SLC23A2: variants seen among roughly 807,000 people sequenced by gnomAD.
SLC23A2 encodes the protein solute carrier family 23 member 2.
Under a neutral mutation model 73.3 loss-of-function variants are expected in SLC23A2, and 36 were observed. The observed-to-expected ratio is 0.49, with a 90% CI of 0.38 to 0.65. SLC23A2 has a LOEUF of 0.65. SLC23A2 is among the 30% of genes least tolerant of loss of function. SLC23A2 has a pLI of 0.00. For synonymous variants in SLC23A2, 343 were observed against 327.3 expected, an observed-to-expected ratio of 1.05 and a Z score of -0.52; for missense variants, 507 against 841.6, an observed-to-expected ratio of 0.60 and a Z score of 4.92.
chr20:4,983,359 C>T (rs2087756716), intron 1 of SLC23A2, among the ~76,000 whole-genome samples: 2 of 152,000 alleles, frequency 1.3e-5, no homozygotes, highest in Non-Finnish European at 1.5e-5. Flanking sequence ...GCAAAAGACA[C>T]AAGCAGGCTG....
chr20:4,941,723 G>C (rs1250389695), intron 2 of SLC23A2, among the ~76,000 whole-genome samples: 1 of 151,120 alleles, frequency 6.6e-6, no homozygotes, highest in Non-Finnish European at 1.5e-5. Flanking sequence ...AAAAAAAGTT[G>C]TTAATAAGGT....
intron 2 of SLC23A2, among the ~76,000 whole-genome samples, chr20:4,939,265 A>G (rs2087005614): frequency 6.6e-6 from 1 of 152,212 alleles, no homozygotes; most frequent in Non-Finnish European, 1.5e-5. Context: ...GTGGACTGAT[A>G]AATGATTTTT....
chr20:4,963,576 G>A lies in SLC23A2; in HGVS notation c.-155+7217C>T, dbSNP rs551127605. On this transcript the variant is annotated intron_variant, in intron 2 of 16. Transcript: ENST00000338244. ...AAATGTAAAAAATCTGACCAGGCAC[G>A]GTGGCTCACGCCTATAATTCCAGCA... is the stretch of plus-strand genomic sequence containing the variant. Among the ~76,000 whole-genome samples, 92 of 152,178 alleles carry A rather than the reference G, an allele frequency of 6.0e-4. 2 individuals are homozygous for A. In the South Asian group the frequency reaches 0.017, roughly 29 times the overall value.
intron 2 of SLC23A2, among the ~76,000 whole-genome samples, chr20:4,954,715 AAGAAAG>A (rs1312727220): frequency 6.8e-6 from 1 of 147,464 alleles, no homozygotes; most frequent in African/African-American, 2.6e-5. Context: ...AAAAAAAAAA[AAGAAAG>A]AAAGAAAGAA....
At chr20:4,984,635 A>G (rs2087793254) in intron 1 of SLC23A2, among the ~76,000 whole-genome samples, 1 of 152,208 alleles carries the variant, frequency 6.6e-6, no homozygotes, top group Non-Finnish European at 1.5e-5. Flanking sequence ...CAAAGACAGC[A>G]TACAAATGGC....
intron 4 of SLC23A2, among the ~76,000 whole-genome samples, 200 bp downstream of exon 4, chr20:4,912,680 A>C (rs568957664): frequency 6.6e-6 from 1 of 151,912 alleles, no homozygotes; most frequent in East Asian, 1.9e-4. Context: ...AAAAAAAAAA[A>C]AAAAAAAACT....
intron 9 of SLC23A2, among the ~76,000 whole-genome samples, chr20:4,875,018 C>T (rs1244307564): frequency 3.3e-5 from 5 of 152,166 alleles, no homozygotes; most frequent in Non-Finnish European, 7.3e-5. Context: ...ATGGGAAACG[C>T]TTACTCTATG....
Position 4,862,766 on chromosome 20 carries a change from G to C in SLC23A2, c.1486+12C>G. 1 of 1,605,062 alleles carries C rather than the reference G, an allele frequency of 6.2e-7. No individual in the cohort carries two copies. The highest frequency in any genetic ancestry group is 8.5e-7 in the Non-Finnish European group (1 of 1,173,078). On this transcript the variant is annotated intron_variant, in intron 14 of 16. Coordinates refer to ENST00000338244, the MANE Select transcript of SLC23A2 (RefSeq NM_005116.6). This position sits in a 1 kb window ranked among gnomAD's most constrained non-coding sequence, Gnocchi z 5.1. ...GAAAAGTAAAGGAAAAAGCCAGAGA[G>C]GGGAGTCTTACCAAAGAGCGTGCAG...
intron 9 of SLC23A2, among the ~76,000 whole-genome samples, chr20:4,881,550 C>T (rs1343901057): frequency 6.6e-6 from 1 of 152,322 alleles, no homozygotes; most frequent in East Asian, 1.9e-4. Context: ...CAGGCTTCCT[C>T]TTATCCTGCT....
At chr20:4,923,219 C>T (rs1315413517) in intron 3 of SLC23A2, among the ~76,000 whole-genome samples, 1 of 110,992 alleles carries the variant, frequency 9.0e-6, no homozygotes, top group Non-Finnish European at 1.7e-5. Flanking sequence ...CCAGCCTGGG[C>T]AATGTAGCGA....
chr20:4,891,358 G>T (rs1343564774), intron 6 of SLC23A2, among the ~76,000 whole-genome samples: 1 of 152,226 alleles, frequency 6.6e-6, no homozygotes, highest in African/African-American at 2.4e-5. Flanking sequence ...AACAGAGGAA[G>T]GGTGGAGTAA....
intron 1 of SLC23A2, among the ~76,000 whole-genome samples, chr20:4,996,461 G>A (rs926811630): frequency 1.3e-5 from 2 of 152,050 alleles, no homozygotes; most frequent in African/African-American, 4.8e-5. Flanking sequence ...GCCAAGGTGG[G>A]CGGATCACGA....
At chr20:4,912,194 G>C (rs1932180763) in intron 4 of SLC23A2, among the ~76,000 whole-genome samples, 1 of 151,688 alleles carries the variant, frequency 6.6e-6, no homozygotes, top group Non-Finnish European at 1.5e-5. Flanking sequence ...CACAAAGTCT[G>C]ACCATTCAAG....
chr20:4,874,817 A>T (rs972598798), intron 9 of SLC23A2, 121 bp from the exon 10 acceptor site: 11 of 752,070 alleles, frequency 1.5e-5, no homozygotes, highest in Non-Finnish European at 2.1e-5. Flanking sequence ...GAAAGCTGCT[A>T]GTCCTCTGAA....
At chr20:4,993,345 T>C (rs1191730868) in intron 1 of SLC23A2, among the ~76,000 whole-genome samples, 1 of 144,062 alleles carries the variant, frequency 6.9e-6, no homozygotes, top group East Asian at 2.0e-4. Context: ...TGAAGCATTC[T>C]GAATTTCAGA....
chr20:4,952,036 A>C (rs1177436380), intron 2 of SLC23A2, among the ~76,000 whole-genome samples: 1 of 142,146 alleles, frequency 7.0e-6, no homozygotes, highest in Non-Finnish European at 1.5e-5. Flanking sequence ...CCTGGGAGGC[A>C]GAGGTTGCAG....
chr20:4,884,696 C>A, intron 8 of SLC23A2, 57 bp downstream of exon 8: 1 of 1,202,040 alleles, frequency 8.3e-7, no homozygotes, highest in Admixed American at 1.7e-5. Context: ...GGTCAACCAA[C>A]ATTGAAGCTG....
At chr20:4,932,134 A>G (rs917104223) in intron 3 of SLC23A2, among the ~76,000 whole-genome samples, 3 of 152,210 alleles carry the variant, frequency 2.0e-5, no homozygotes, top group African/African-American at 7.2e-5. Flanking sequence ...TGGGTTGCAC[A>G]TTATTTCCTA....
Position 4,976,443 on chromosome 20 carries a change from A to G in SLC23A2, c.-281-5524T>C, listed in dbSNP as rs528601050. 2.6e-5 allele frequency among the ~76,000 whole-genome samples: 4 copies of G among 151,986 alleles called. No homozygotes were observed. The East Asian group carries it at 7.8e-4, about 30-fold the overall frequency. On this transcript the variant is annotated intron_variant, in intron 1 of 16. Coordinates refer to ENST00000338244, the MANE Select transcript of SLC23A2 (RefSeq NM_005116.6). ...GTAATCCCAGCACTTTGGAAGGCCA[A>G]CATGGGCGGATCACCTGAGGTCGGG...
Sources: allele counts gnomAD v4.1 joint callset (sites outside exome capture counted in the v4.1 genomes callset), GRCh38; gene constraint gnomAD v4.1.1; non-coding constraint Gnocchi (gnomAD v3.1); transcripts MANE v1.5; gene names NCBI Gene and HGNC (gene_info 2026-07-23, HGNC 2026-07-21).